CASP5: variants seen among roughly 807,000 people sequenced by gnomAD.
The protein encoded by CASP5 is caspase 5, also known as caspase-5.
In CASP5, 42 loss-of-function variants were observed where a neutral mutation model predicts 45.2. The observed-to-expected ratio is 0.93, with a 90% CI of 0.73 to 1.20. The LOEUF is 1.20. Ranked by LOEUF, CASP5 falls within the 50% of genes most tolerant of loss-of-function variation. The pLI, the probability that CASP5 is intolerant of heterozygous loss-of-function variation, is 0.00. For missense variants in CASP5, 512 were observed against 532.2 expected (o/e 0.96, Z 0.37); for synonymous variants, 209 against 186.2 (o/e 1.12, Z -1.00).
intron 1 of CASP5, among the ~76,000 whole-genome samples, chr11:105,018,201 C>T (rs1862738923): frequency 6.6e-6 from 1 of 151,732 alleles, no homozygotes; most frequent in South Asian, 2.1e-4. Flanking sequence ...GCTGCAAAAT[C>T]ATGCCAAAAT....
intron 4 of CASP5, 152 bp from the exon 5 acceptor site, chr11:105,002,353 A>G: frequency 1.6e-6 from 1 of 634,172 alleles, no homozygotes; most frequent in Admixed American, 2.8e-5. Flanking sequence ...TCAAGAGCCC[A>G]GAGCAAGAAC....
chr11:105,008,959 C>CA lies in CASP5; in HGVS notation c.28_29insT (p.Arg10MetfsTer3). On this transcript the variant is annotated frameshift_variant, in exon 2 of 10. Coordinates refer to ENST00000260315, the MANE Select transcript of CASP5 (RefSeq NM_004347.5). LOFTEE classifies it high-confidence loss of function. The stretch of plus-strand genomic sequence containing the variant: ...GAACATAGCTTCAAAATTCTTACGC[C>CA]TTTTTTTTTTGCCACTGTCTTCTAT... 1 of 1,348,530 alleles carries CA rather than the reference C, an allele frequency of 7.4e-7. No homozygotes were observed. 83.5% of individuals were successfully genotyped at this position (1,348,530 alleles called of 1,614,324 possible).
intron 1 of CASP5, 167 bp from the exon 2 acceptor site, chr11:105,009,147 C>A: frequency 1.6e-6 from 1 of 636,432 alleles, no homozygotes; most frequent in South Asian, 2.0e-5. Context: ...TTCTCTCACC[C>A]ATCAAATTCC....
chr11:105,008,748 T>A, intron 2 of CASP5, 59 bp downstream of exon 2: 1 of 1,252,104 alleles, frequency 8.0e-7, no homozygotes, highest in South Asian at 1.3e-5. Context: ...TGCATGGGAC[T>A]TATAATTGAA....
chr11:105,007,187 T>C lies in CASP5; in HGVS notation c.329A>G (p.Asp110Gly). ...KKKYYDTKIE[D>G]KALILVDSLR... Reference sequence around the variant, plus strand: ...AGAGTCTACCAAGATCAGGGCCTTGTCTTCAATTTTGGTATCATAATATTT... The same window carrying C: ...AGAGTCTACCAAGATCAGGGCCTTGCCTTCAATTTTGGTATCATAATATTT... Residue 110 changes from aspartate (D) to glycine (G), a missense_variant, in exon 3 of 10, where the codon GAC (aspartate) becomes GGC (glycine). Asp to Gly is a moderately conservative substitution (Grantham distance 94, BLOSUM62 -1). Coordinates refer to ENST00000260315, the MANE Select transcript of CASP5 (RefSeq NM_004347.5). 1 of 1,613,928 alleles carries C rather than the reference T, an allele frequency of 6.2e-7. No individual in the cohort carries two copies. Among genetic ancestry groups the C allele is most frequent in the Non-Finnish European group, 8.5e-7 (1 of 1,179,844 alleles).
chr11:105,001,246 G>A (rs1301090191), intron 5 of CASP5, among the ~76,000 whole-genome samples: 3 of 152,130 alleles, frequency 2.0e-5, no homozygotes, highest in Non-Finnish European at 4.4e-5. Flanking sequence ...CGTTTATATT[G>A]TGAGATTTTA....
intron 1 of CASP5, among the ~76,000 whole-genome samples, chr11:105,018,338 T>C (rs1397460071): frequency 7.9e-5 from 12 of 151,558 alleles, no homozygotes. Context: ...GACTAAATGC[T>C]CCAATTAAAA....
Position 105,014,581 on chromosome 11 carries a change from C to G in CASP5, c.8-5601G>C, listed in dbSNP as rs371967914. Among the ~76,000 whole-genome samples the G allele has an allele frequency of 1.8e-4, 28 of 152,046 alleles. No individual in the cohort carries two copies. The East Asian group carries it at 2.7e-3, about 15-fold the overall frequency. ...CAAATGAATAAATTTTAGGTATGGC[C>G]CAACTCTTGAAGAATATTTAATAAA... On this transcript the variant is annotated intron_variant, in intron 1 of 9. Coordinates refer to ENST00000260315, the MANE Select transcript of CASP5 (RefSeq NM_004347.5).
At chr11:104,997,814 A>G (rs1861533857) in intron 7 of CASP5, among the ~76,000 whole-genome samples, 1 of 152,156 alleles carries the variant, frequency 6.6e-6, no homozygotes, top group Admixed American at 6.5e-5. Flanking sequence ...TCACTTTACA[A>G]AGGAAAGAAT....
intron 6 of CASP5, 125 bp downstream of exon 6, chr11:105,000,136 C>T: frequency 2.0e-6 from 2 of 994,794 alleles, no homozygotes; most frequent in Non-Finnish European, 3.0e-6. Flanking sequence ...AGAGTTTCTT[C>T]ATAATTCAAT....
At chr11:105,013,515 A>C (rs1472746653) in intron 1 of CASP5, among the ~76,000 whole-genome samples, 3 of 152,164 alleles carry the variant, frequency 2.0e-5, no homozygotes, top group Non-Finnish European at 4.4e-5. Flanking sequence ...ACATAAGTAC[A>C]TAAAATATTT....
chr11:105,005,279 T>C (rs1861945646), intron 3 of CASP5, among the ~76,000 whole-genome samples: 1 of 151,944 alleles, frequency 6.6e-6, no homozygotes, highest in South Asian at 2.1e-4. Flanking sequence ...AGTAAAGCAA[T>C]TTCCCACAGC....
At position 105,017,091 on chromosome 11, in the gene CASP5, A is replaced by C. The variant is rs1224056666; in HGVS notation, c.7+6039T>G. Among the ~76,000 whole-genome samples the C allele has an allele frequency of 3.3e-5, 5 of 151,982 alleles. No homozygotes were observed. The East Asian group carries it at 9.7e-4, about 29-fold the overall frequency. On this transcript the variant is annotated intron_variant, in intron 1 of 9. Coordinates refer to ENST00000260315, the MANE Select transcript of CASP5 (RefSeq NM_004347.5). The stretch of plus-strand genomic sequence containing the variant: ...GGGTACTCCAACAGACCTGCAGCTG[A>C]GGGTCCTGTCTGTTAGAAGGAAAAC...
chr11:105,007,208 T>A lies in CASP5; in HGVS notation c.308A>T (p.Tyr103Phe). 1 of 1,613,866 alleles carries A rather than the reference T, an allele frequency of 6.2e-7. No homozygotes were observed. The highest frequency in any genetic ancestry group is 8.5e-7 in the Non-Finnish European group (1 of 1,179,860). ...CTTGTCTTCAATTTTGGTATCATAA[T>A]ATTTTTTCTTTTCCTCTTCCTTCAA... ...LTLKEEEKKK[Y>F]YDTKIEDKAL... Residue 103 changes from tyrosine to phenylalanine, a missense_variant, in exon 3 of 10, where the codon TAT becomes TTT. Physicochemically the swap from Tyr to Phe is conservative, Grantham distance 22 (BLOSUM62 3). Transcript: ENST00000260315.
Position 105,007,339 on chromosome 11 carries a change from C to A in CASP5, c.182-5G>T. On this transcript the variant is annotated splice_region_variant and splice_polypyrimidine_tract_variant and intron_variant, in intron 2 of 9. Transcript: ENST00000260315. ...TTTTTTTTTTGTGGTTGTCTTCTGT[C>A]AGAAATAGAAAGACTCCTTTAACTA... 1 of 1,591,712 alleles carries A rather than the reference C, an allele frequency of 6.3e-7. No homozygotes were observed. The highest frequency in any genetic ancestry group is 1.1e-5 in the South Asian group (1 of 87,782).
chr11:105,017,806 T>C (rs1346007203), intron 1 of CASP5, among the ~76,000 whole-genome samples: 2 of 151,244 alleles, frequency 1.3e-5, no homozygotes, highest in African/African-American at 2.4e-5. Flanking sequence ...ATACAGAGAA[T>C]GCCACAAAGA....
At chr11:105,012,506 A>T (rs1862398334) in intron 1 of CASP5, among the ~76,000 whole-genome samples, 1 of 151,962 alleles carries the variant, frequency 6.6e-6, no homozygotes, top group Non-Finnish European at 1.5e-5. Context: ...AATAGGAGTA[A>T]ATATTTGAAT....
chr11:105,012,831 C>T (rs1022718459), intron 1 of CASP5, among the ~76,000 whole-genome samples: 2 of 151,184 alleles, frequency 1.3e-5, no homozygotes, highest in Non-Finnish European at 3.0e-5. Flanking sequence ...TAAATTAGTA[C>T]AGTCATAATG....
chr11:105,022,675 A>C (rs1223660875), intron 1 of CASP5, among the ~76,000 whole-genome samples: 1 of 152,164 alleles, frequency 6.6e-6, no homozygotes, highest in Non-Finnish European at 1.5e-5. Context: ...AATCACTTTA[A>C]ACAGACCAAT....
Sources: allele counts gnomAD v4.1 joint callset (sites outside exome capture counted in the v4.1 genomes callset), GRCh38; gene constraint gnomAD v4.1.1; transcripts MANE v1.5; gene names NCBI Gene and HGNC (gene_info 2026-07-23, HGNC 2026-07-21).